Variants in GRID2 observed in about 807,000 individuals in gnomAD.
GRID2 encodes glutamate ionotropic receptor delta type subunit 2.
A neutral mutation model predicts 114.8 loss-of-function variants in GRID2; 33 were observed. The ratio of observed to expected loss-of-function variants is 0.29; its 90% CI spans 0.22 to 0.38. GRID2 has a LOEUF of 0.38. Among genes scored for constraint, GRID2 ranks in the 10% least tolerant of loss-of-function variants. The probability of loss-of-function intolerance (pLI) is 1.00; values close to 1 mark genes in which losing one functional copy is unlikely to be tolerated. For synonymous variants in GRID2, 505 were observed against 449.9 expected (o/e 1.12, Z -1.55); for missense variants, 1,184 against 1,257.7 (o/e 0.94, Z 0.89).
intron 2 of GRID2, among the ~76,000 whole-genome samples, chr4:92,873,701 G>GT (rs938221375): frequency 2.6e-5 from 4 of 151,932 alleles, no homozygotes; most frequent in Non-Finnish European, 1.5e-5. Context: ...TCTAATTGAG[G>GT]TTTTTTTGTT....
chr4:93,214,779 A>T (rs1743989690), intron 5 of GRID2, among the ~76,000 whole-genome samples: 1 of 152,050 alleles, frequency 6.6e-6, no homozygotes, highest in Admixed American at 6.6e-5. Flanking sequence ...GATTTGGCTC[A>T]TGATAGATGA....
intron 8 of GRID2, among the ~76,000 whole-genome samples, chr4:93,356,861 AT>A (rs1207725527): frequency 6.6e-6 from 1 of 151,800 alleles, no homozygotes. Context: ...ATGTACAAGC[AT>A]TTTGGAACAG....
intron 1 of GRID2, among the ~76,000 whole-genome samples, chr4:92,415,703 C>A (rs569085898): frequency 1.6e-5 from 2 of 124,636 alleles, no homozygotes; most frequent in Non-Finnish European, 3.4e-5. Flanking sequence ...TGTGTGCATG[C>A]GCATGTATGT....
At chr4:93,007,895 G>A (rs908325957) in intron 2 of GRID2, among the ~76,000 whole-genome samples, 4 of 151,708 alleles carry the variant, frequency 2.6e-5, no homozygotes, top group African/African-American at 4.8e-5. Flanking sequence ...ACAAAAATTA[G>A]CTGGCCATCA....
At chr4:92,455,962 G>T (rs2149083114) in intron 1 of GRID2, among the ~76,000 whole-genome samples, 1 of 152,238 alleles carries the variant, frequency 6.6e-6, no homozygotes, top group Middle Eastern at 3.4e-3. Flanking sequence ...TGCAAAGATT[G>T]TATCTTTTAT....
chr4:92,866,710 A>ATT (rs553446965), intron 2 of GRID2, among the ~76,000 whole-genome samples: 33 of 143,002 alleles, frequency 2.3e-4, no homozygotes, highest in African/African-American at 7.4e-4. Flanking sequence ...TGCCCGGCTA[A>ATT]TTTTTTTTTT....
At chr4:93,123,878 A>T (rs1235839829) in intron 4 of GRID2, among the ~76,000 whole-genome samples, 12 of 150,280 alleles carry the variant, frequency 8.0e-5, no homozygotes, top group Non-Finnish European at 8.9e-5. Context: ...TTAAATTTTT[A>T]TTGAGTTTTC....
intron 1 of GRID2, among the ~76,000 whole-genome samples, chr4:92,445,929 A>C (rs1733436897): frequency 6.6e-6 from 1 of 152,018 alleles, no homozygotes; most frequent in Non-Finnish European, 1.5e-5. Flanking sequence ...ATCAGTATAA[A>C]ACTCTTATCT....
intron 2 of GRID2, among the ~76,000 whole-genome samples, chr4:92,888,182 A>G (rs890501477): frequency 2.0e-5 from 3 of 152,154 alleles, no homozygotes; most frequent in Non-Finnish European, 4.4e-5. Flanking sequence ...TACTCAAACG[A>G]TTATATTGTA....
At chr4:92,783,344 A>T (rs935194143) in intron 2 of GRID2, among the ~76,000 whole-genome samples, 2 of 151,528 alleles carry the variant, frequency 1.3e-5, no homozygotes, top group Non-Finnish European at 2.9e-5. Context: ...AGATTTGTCA[A>T]AGTATTCCAA....
intron 1 of GRID2, among the ~76,000 whole-genome samples, chr4:92,453,722 C>G (rs1370970029): frequency 6.6e-6 from 1 of 152,068 alleles, no homozygotes. Context: ...CTTTTATCAT[C>G]CAGAAATTAA....
chr4:93,490,293 C>A (rs1037355889), intron 11 of GRID2, among the ~76,000 whole-genome samples: 2 of 151,662 alleles, frequency 1.3e-5, no homozygotes, highest in African/African-American at 2.4e-5. Context: ...ATAGGCATAG[C>A]AATATTAATG....
chr4:93,289,002 T>C (rs557259291), intron 8 of GRID2, among the ~76,000 whole-genome samples: 9 of 152,332 alleles, frequency 5.9e-5, no homozygotes, highest in African/African-American at 2.2e-4. Context: ...TTATTAAGTG[T>C]GAAACAACAT....
At chr4:93,023,239 G>C (rs1560804466) in intron 2 of GRID2, among the ~76,000 whole-genome samples, 1 of 151,498 alleles carries the variant, frequency 6.6e-6, no homozygotes, top group Non-Finnish European at 1.5e-5. Flanking sequence ...ACATATTGCT[G>C]GCTGTATTTT....
chr4:92,494,558 T>G (rs1723299262), intron 1 of GRID2, among the ~76,000 whole-genome samples: 1 of 152,052 alleles, frequency 6.6e-6, no homozygotes, highest in Admixed American at 6.6e-5. Context: ...CTCATTTATA[T>G]TCACAAATCT....
intron 14 of GRID2, among the ~76,000 whole-genome samples, chr4:93,724,343 G>C (rs1234504377): frequency 6.6e-6 from 1 of 152,094 alleles, no homozygotes; most frequent in Non-Finnish European, 1.5e-5. Context: ...CCTTTACAGA[G>C]CTAAGGTCAT....
At chr4:92,672,778 T>A (rs1198220328) in intron 2 of GRID2, among the ~76,000 whole-genome samples, 7 of 152,146 alleles carry the variant, frequency 4.6e-5, no homozygotes, top group African/African-American at 1.7e-4. Flanking sequence ...GTCAGGGTAA[T>A]TAGGATATCT....
At chr4:92,595,276 T>C (rs1728894341) in intron 2 of GRID2, among the ~76,000 whole-genome samples, 1 of 151,870 alleles carries the variant, frequency 6.6e-6, no homozygotes, top group Non-Finnish European at 1.5e-5. Context: ...AACACAAGGT[T>C]TTTGAAAAAA....
intron 2 of GRID2, among the ~76,000 whole-genome samples, chr4:93,028,158 G>T (rs116311821): frequency 9.9e-5 from 15 of 152,148 alleles, no homozygotes; most frequent in Non-Finnish European, 1.8e-4. Context: ...TAAATTAGAC[G>T]CAGTCCATGA....
Sources: gnomAD v4.1 joint callset for allele counts (sites outside exome capture counted in the v4.1 genomes callset) on GRCh38, gnomAD v4.1.1 for gene constraint, MANE v1.5 for transcripts, NCBI Gene and HGNC (gene_info 2026-07-23, HGNC 2026-07-21) for gene names.